The following GPRC5A variants were observed in gnomAD, a reference collection of about 807,000 sequenced individuals.
GPRC5A encodes retinoic acid-induced protein 3.
A neutral mutation model predicts 22.5 loss-of-function variants in GPRC5A; 19 were observed. That is an observed-to-expected ratio of 0.85 (90% CI 0.59 to 1.24). The LOEUF (loss-of-function observed/expected upper bound fraction) is 1.24. Ranked by LOEUF, GPRC5A falls within the 50% of genes most tolerant of loss-of-function variation. The pLI is 0.00. For synonymous variants in GPRC5A, 192 were observed against 184.5 expected (o/e 1.04, Z -0.33); for missense variants, 471 against 451.1 (o/e 1.04, Z -0.40).
At position 12,912,126 on chromosome 12, in the gene GPRC5A, C is replaced by T. The variant is rs770579264; in HGVS notation, c.965C>T (p.Thr322Ile). 1 of 1,611,710 alleles carries T rather than the reference C, an allele frequency of 6.2e-7. No individual in the cohort carries two copies. Among genetic ancestry groups the T allele is most frequent in the Non-Finnish European group, 8.5e-7 (1 of 1,177,718 alleles). Residue 322 changes from threonine to isoleucine, a missense_variant, in exon 3 of 4, where the codon ACA becomes ATA. Thr to Ile is a moderately conservative substitution (Grantham distance 89). Transcript: ENST00000014914. Reference protein sequence around the residue: ...TGDTLYAPYSTHFQLQNQPPQ... With the variant: ...TGDTLYAPYSIHFQLQNQPPQ... ...GACACGCTCTATGCCCCCTATTCCA[C>T]ACATTTTCAGCTGCAGGTAAGTGAT... is the stretch of plus-strand genomic sequence containing the variant.
In GPRC5A at chr12:12,908,633, C is replaced by T; in HGVS notation, c.384C>T (p.Pro128=). 5 of 1,613,968 alleles carry T rather than the reference C, an allele frequency of 3.1e-6. No individual in the cohort carries two copies. Among genetic ancestry groups the T allele is most frequent in the Non-Finnish European group, 4.2e-6 (5 of 1,179,890 alleles). Residue 128 remains proline, a synonymous_variant, in exon 2 of 4, where the codon CCC becomes CCT. Coordinates refer to ENST00000014914, the MANE Select transcript of GPRC5A (RefSeq NM_003979.4). Reference sequence around the variant, plus strand: ...CCAAGCTCGTCCGGGGGAGGAAGCCCCTTTCCCTGTTGGTGATTCTGGGTC... The same window carrying T: ...CCAAGCTCGTCCGGGGGAGGAAGCCTCTTTCCCTGTTGGTGATTCTGGGTC... ...SLTKLVRGRK[P]LSLLVILGLA...
intron 2 of GPRC5A, 127 bp downstream of exon 2, chr12:12,909,298 C>G (rs1342707226): frequency 1.4e-5 from 10 of 706,484 alleles, no homozygotes; most frequent in Non-Finnish European, 2.3e-5. Context: ...AGATAAGTTC[C>G]TTAAGGCTCA....
Position 12,913,641 on chromosome 12 carries a change from A to C in GPRC5A, c.*1102A>C, listed in dbSNP as rs1167844289. The C allele has an allele frequency of 1.3e-5, 2 of 152,200 alleles. No individual in the cohort carries two copies. The highest frequency in any genetic ancestry group is 2.9e-5 in the Non-Finnish European group (2 of 68,032). 9.4% of individuals were successfully genotyped at this position (152,200 alleles called of 1,614,324 possible). A position where few individuals can be genotyped will look rare whatever the true frequency, so the allele number is the denominator to read the frequency against. ...ATAAAGATGTGGTGGCCACTCTTTC[A>C]TGGTGGTGGCAGCAGTTACCAGTAA... On this transcript the variant is annotated 3_prime_UTR_variant, in exon 4 of 4. Transcript: ENST00000014914.
chr12:12,912,006 C>T (rs1864010053), intron 2 of GPRC5A, 78 bp from the exon 3 acceptor site: 3 of 859,606 alleles, frequency 3.5e-6, no homozygotes, highest in East Asian at 4.8e-5. Flanking sequence ...CAAGATGTCA[C>T]ACTGTGATAA....
In GPRC5A at chr12:12,894,066, A is replaced by G. The variant is rs141823477; in HGVS notation, c.-8+2402A>G. Among the ~76,000 whole-genome samples the G allele has an allele frequency of 3.0e-3, 460 of 152,284 alleles. 3 individuals carry two copies. Among genetic ancestry groups the G allele is most frequent in the Middle Eastern group, 0.014 (4 of 294 alleles). ...CATGAGCCACAACCTGTAATCCACT[A>G]TTTTACTAAAACACAGCAATGCTCA... On this transcript the variant is annotated intron_variant, in intron 1 of 3. Coordinates refer to ENST00000014914, the MANE Select transcript of GPRC5A (RefSeq NM_003979.4).
chr12:12,910,304 C>T (rs1209695487), intron 2 of GPRC5A, among the ~76,000 whole-genome samples: 2 of 152,086 alleles, frequency 1.3e-5, no homozygotes, highest in African/African-American at 4.8e-5. Context: ...CGGAGGAGGG[C>T]AGGAGGGGTT....
At chr12:12,895,709 G>T (rs970487002) in intron 1 of GPRC5A, among the ~76,000 whole-genome samples, 1 of 150,882 alleles carries the variant, frequency 6.6e-6, no homozygotes, top group South Asian at 2.1e-4. Flanking sequence ...CCGGCGCGGT[G>T]GCTCACACCT....
At position 12,917,377 on chromosome 12, in the gene GPRC5A, T is replaced by C. The variant is rs1034384560; in HGVS notation, c.*4838T>C. The stretch of plus-strand genomic sequence containing the variant: ...GTTTGAGAAGGTCACAGAAATCCTC[T>C]AGTTGGTGCCTCCACAGTCTTCATT... On this transcript the variant is annotated 3_prime_UTR_variant, in exon 4 of 4. Coordinates refer to ENST00000014914, the MANE Select transcript of GPRC5A (RefSeq NM_003979.4). 1 of 152,132 alleles carries C rather than the reference T, an allele frequency of 6.6e-6. No homozygotes were observed. The highest frequency in any genetic ancestry group is 2.4e-5 in the African/African-American group (1 of 41,432). The allele number at this position is 152,132 out of a possible 1,614,324, so 9.4% of individuals were successfully genotyped here.
At chr12:12,912,276 C>T (rs1592352886) in intron 3 of GPRC5A, 134 bp downstream of exon 3, 1 of 869,368 alleles carries the variant, frequency 1.2e-6, no homozygotes, top group East Asian at 2.4e-5. Flanking sequence ...CTTCTTTCCT[C>T]TAAGCGGCCT....
intron 1 of GPRC5A, among the ~76,000 whole-genome samples, chr12:12,906,940 T>G (rs1042154283): frequency 1.3e-5 from 2 of 151,510 alleles, no homozygotes; most frequent in African/African-American, 2.4e-5. Flanking sequence ...GCCTGTAATC[T>G]CAGCTACTCA....
rs1864016722 is a variant in GPRC5A, at chr12:12,912,595, A to G, written c.*56A>G. The G allele has an allele frequency of 1.2e-5, 12 of 1,039,472 alleles. No homozygotes were observed. In the East Asian group the frequency reaches 1.2e-4, roughly 10 times the overall value. 64.4% of individuals were successfully genotyped at this position (1,039,472 alleles called of 1,614,324 possible). On this transcript the variant is annotated 3_prime_UTR_variant, in exon 4 of 4. Transcript: ENST00000014914. ...CGGGCGGCAGATCTAGCGGGAGCTC[A>G]AAGGGATGTGGGCGAAATCTTGAGT... is the stretch of plus-strand genomic sequence containing the variant.
At position 12,917,245 on chromosome 12, in the gene GPRC5A, TGTGTGTGC is replaced by T. The variant is rs1413476019; in HGVS notation, c.*4710_*4717del. 205 of 85,344 alleles carry T rather than the reference TGTGTGTGC, an allele frequency of 2.4e-3. 2 individuals carry two copies. The highest frequency in any genetic ancestry group is 5.7e-3 in the African/African-American group (132 of 23,006). The allele number at this position is 85,344 out of a possible 1,614,324, so 5.3% of individuals were successfully genotyped here. On this transcript the variant is annotated 3_prime_UTR_variant, in exon 4 of 4. Transcript: ENST00000014914. ...GTGTGTGTGTGTGTGTGTGTGTGTGTGTGTGTGCGTGCGTGCGTGTATGTGCGCCTGAC... is the reference window on the plus strand; with the variant it reads ...GTGTGTGTGTGTGTGTGTGTGTGTGTGTGCGTGCGTGTATGTGCGCCTGAC...
intron 1 of GPRC5A, among the ~76,000 whole-genome samples, chr12:12,902,474 C>T (rs1477355505): frequency 1.3e-5 from 2 of 151,740 alleles, no homozygotes; most frequent in East Asian, 1.9e-4. Context: ...TTTAGAGAGA[C>T]GTTCTAGACT....
In GPRC5A at chr12:12,904,187, G is replaced by A. The variant is rs571034452; in HGVS notation, c.-7-4056G>A. 2.0e-5 allele frequency among the ~76,000 whole-genome samples: 3 copies of A among 152,284 alleles called. No individual in the cohort carries two copies. The East Asian group carries it at 5.8e-4, about 29-fold the overall frequency. On this transcript the variant is annotated intron_variant, in intron 1 of 3. Coordinates refer to ENST00000014914, the MANE Select transcript of GPRC5A (RefSeq NM_003979.4). Reference sequence around the variant, plus strand: ...TAGGGTCTTCCTCTTCCACATTCACGGTGTAGCCTGGGAGAGCCCTCATAC... The same window carrying A: ...TAGGGTCTTCCTCTTCCACATTCACAGTGTAGCCTGGGAGAGCCCTCATAC...
At chr12:12,897,096 G>T (rs920289456) in intron 1 of GPRC5A, among the ~76,000 whole-genome samples, 2 of 151,816 alleles carry the variant, frequency 1.3e-5, no homozygotes, top group South Asian at 2.1e-4. Flanking sequence ...ATGTGGTGGC[G>T]CATGCTTGTA....
At position 12,916,690 on chromosome 12, in the gene GPRC5A, A is replaced by G. The variant is rs967283443; in HGVS notation, c.*4151A>G. The stretch of plus-strand genomic sequence containing the variant: ...GGTATTTCCAGTCCATTTGCATCCA[A>G]TCTGGCATCTTTACGGAGAGCGGTC... On this transcript the variant is annotated 3_prime_UTR_variant, in exon 4 of 4. Coordinates refer to ENST00000014914, the MANE Select transcript of GPRC5A (RefSeq NM_003979.4). 1.3e-5 allele frequency: 2 copies of G among 152,160 alleles called. No individual in the cohort carries two copies. Among genetic ancestry groups the G allele is most frequent in the South Asian group, 2.1e-4 (1 of 4,832 alleles). 9.4% of individuals were successfully genotyped at this position (152,160 alleles called of 1,614,324 possible). A position where few individuals can be genotyped will look rare whatever the true frequency, so the allele number is the denominator to read the frequency against.
chr12:12,898,548 GAAAA>G lies in GPRC5A; in HGVS notation c.-8+6887_-8+6890del, dbSNP rs1301350317. 5.9e-5 allele frequency among the ~76,000 whole-genome samples: 9 copies of G among 151,688 alleles called. No homozygotes were observed. In the East Asian group the frequency reaches 1.7e-3, roughly 29 times the overall value. ...CTTTGTCTCAAAAGAAAAAAAAAAA[GAAAA>G]AAGAAAGGAAACCATATATGGCTCA... On this transcript the variant is annotated intron_variant, in intron 1 of 3. Transcript: ENST00000014914.
intron 1 of GPRC5A, among the ~76,000 whole-genome samples, chr12:12,896,233 G>A (rs1053601182): frequency 1.3e-5 from 2 of 152,150 alleles, no homozygotes; most frequent in Non-Finnish European, 2.9e-5. Flanking sequence ...GAACTATCTG[G>A]AAGTGTAGAA....
At chr12:12,902,745 T>C (rs549270326) in intron 1 of GPRC5A, among the ~76,000 whole-genome samples, 11 of 151,596 alleles carry the variant, frequency 7.3e-5, no homozygotes, top group Middle Eastern at 3.4e-3. Context: ...CACTCCACCC[T>C]GGGTGACAGA....
Sources: allele counts gnomAD v4.1 joint callset (sites outside exome capture counted in the v4.1 genomes callset), GRCh38; gene constraint gnomAD v4.1.1; transcripts MANE v1.5; gene names NCBI Gene and HGNC (gene_info 2026-07-23, HGNC 2026-07-21).